SPIRE1: variants seen among roughly 807,000 people sequenced by gnomAD.
SPIRE1 encodes the protein protein spire homolog 1.
A neutral mutation model predicts 94.1 loss-of-function variants in SPIRE1; 40 were observed. That is an observed-to-expected ratio of 0.43 (90% confidence interval 0.33 to 0.55). The LOEUF (loss-of-function observed/expected upper bound fraction) is 0.55. Among genes scored for constraint, SPIRE1 ranks in the 20% least tolerant of loss-of-function variants. SPIRE1 has a pLI of 0.06. For missense variants in SPIRE1, 838 were observed against 975.2 expected, an observed-to-expected ratio of 0.86 and a Z score of 1.87; for synonymous variants, 376 against 371.7, an observed-to-expected ratio of 1.01 and a Z score of -0.13.
chr18:12,532,927 A>C (rs1280228929), intron 4 of SPIRE1, among the ~76,000 whole-genome samples: 3 of 152,246 alleles, frequency 2.0e-5, no homozygotes, highest in African/African-American at 7.2e-5. Flanking sequence ...ACTGGCAGGC[A>C]GCAGAGGAGA....
chr18:12,525,146 G>A (rs1303126488), intron 4 of SPIRE1, among the ~76,000 whole-genome samples: 5 of 151,046 alleles, frequency 3.3e-5, no homozygotes, highest in African/African-American at 7.3e-5. Flanking sequence ...GCGTGGTGGC[G>A]GGCGCCTATA....
At chr18:12,462,548 A>G (rs767053629) in intron 12 of SPIRE1, among the ~76,000 whole-genome samples, 12 of 152,182 alleles carry the variant, frequency 7.9e-5, no homozygotes, top group Admixed American at 1.3e-4. Flanking sequence ...ATGAGCACCC[A>G]CTATAAGAAC....
chr18:12,563,146 C>T (rs145689872), intron 2 of SPIRE1, among the ~76,000 whole-genome samples: 1 of 151,838 alleles, frequency 6.6e-6, no homozygotes, highest in African/African-American at 2.4e-5. Flanking sequence ...GATGCATTTT[C>T]TCCCATTCAC....
intron 4 of SPIRE1, among the ~76,000 whole-genome samples, chr18:12,526,012 AG>A (rs918270553): frequency 6.9e-6 from 1 of 145,764 alleles, no homozygotes; most frequent in African/African-American, 2.6e-5. Flanking sequence ...ATGCTAAACA[AG>A]GGATGAAAGC....
At chr18:12,625,543 G>T (rs539280384) in intron 2 of SPIRE1, among the ~76,000 whole-genome samples, 1 of 152,256 alleles carries the variant, frequency 6.6e-6, no homozygotes, top group Non-Finnish European at 1.5e-5. Context: ...AATAATAATT[G>T]CCTTGTTGTT....
intron 2 of SPIRE1, among the ~76,000 whole-genome samples, chr18:12,564,468 A>T (rs1337939672): frequency 6.6e-6 from 1 of 152,238 alleles, no homozygotes; most frequent in Non-Finnish European, 1.5e-5. Flanking sequence ...AAAGTAAAAA[A>T]CAAAAAACAG....
intron 2 of SPIRE1, among the ~76,000 whole-genome samples, chr18:12,566,790 C>A (rs988016693): frequency 5.9e-5 from 9 of 152,058 alleles, no homozygotes; most frequent in Non-Finnish European, 1.0e-4. Flanking sequence ...ATTATGTCAA[C>A]CCTCTACAAT....
At chr18:12,461,411 T>C (rs1344313852) in intron 12 of SPIRE1, among the ~76,000 whole-genome samples, 5 of 97,932 alleles carry the variant, frequency 5.1e-5, no homozygotes, top group Non-Finnish European at 1.1e-4. Flanking sequence ...CCTATACACA[T>C]GTATGTGTGT....
chr18:12,457,678 G>T (rs772206958), intron 12 of SPIRE1, among the ~76,000 whole-genome samples: 1 of 142,370 alleles, frequency 7.0e-6, no homozygotes, highest in African/African-American at 2.5e-5. Context: ...TTACTTCTAT[G>T]CATGTCACTA....
At chr18:12,494,215 T>G (rs2033350140) in intron 7 of SPIRE1, among the ~76,000 whole-genome samples, 1 of 152,188 alleles carries the variant, frequency 6.6e-6, no homozygotes, top group African/African-American at 2.4e-5. Context: ...CCAAGTGCTG[T>G]GAACACCCCG....
chr18:12,479,495 T>C (rs111267377), intron 10 of SPIRE1, among the ~76,000 whole-genome samples: 7 of 152,298 alleles, frequency 4.6e-5, no homozygotes, highest in African/African-American at 1.7e-4. Context: ...GTTCTATAAT[T>C]ATAGCCACTA....
chr18:12,480,693 C>CCACA (rs1398471522), intron 9 of SPIRE1, among the ~76,000 whole-genome samples: 1 of 152,126 alleles, frequency 6.6e-6, no homozygotes, highest in Non-Finnish European at 1.5e-5. Context: ...TGGTGTCATG[C>CCACA]CACAGCTGAT....
Position 12,452,328 on chromosome 18 carries a change from G to A in SPIRE1, c.1939C>T (p.Gln647Ter), listed in dbSNP as rs1195263339. ...GACCTCATACTACTTTCCCCTCTTT[G>A]CAGAGCAGAAGGTCCCAATGAAAAG... ...PIFSLGPSALQRGESSMRSEK... is the reference protein window; with the variant it reads ...PIFSLGPSAL Residue 647 changes from glutamine to a stop codon, truncating the protein, a stop_gained, in exon 16 of 17, where the codon CAA (glutamine) becomes TAA (stop). Transcript: ENST00000409402. LOFTEE classifies it high-confidence loss of function. 2 of 1,614,118 alleles carry A rather than the reference G, an allele frequency of 1.2e-6. No homozygotes were observed. The highest frequency in any genetic ancestry group is 1.7e-6 in the Non-Finnish European group (2 of 1,180,008).
intron 4 of SPIRE1, among the ~76,000 whole-genome samples, chr18:12,517,811 A>G (rs1276441994): frequency 1.3e-5 from 2 of 152,176 alleles, no homozygotes. Flanking sequence ...ACATATAAGT[A>G]CCCCTTTACT....
At chr18:12,478,288 GT>G (rs2032684214) in intron 10 of SPIRE1, among the ~76,000 whole-genome samples, 1 of 151,800 alleles carries the variant, frequency 6.6e-6, no homozygotes, top group Non-Finnish European at 1.5e-5. Flanking sequence ...TGTAGCTAGG[GT>G]GTGAAGCTGG....
At chr18:12,552,465 G>A (rs1056096819) in intron 2 of SPIRE1, among the ~76,000 whole-genome samples, 1 of 152,098 alleles carries the variant, frequency 6.6e-6, no homozygotes, top group East Asian at 1.9e-4. Flanking sequence ...CAGTAAGACA[G>A]AATAAGGGAG....
At chr18:12,467,905 T>C (rs768754543) in intron 10 of SPIRE1, among the ~76,000 whole-genome samples, 2 of 151,844 alleles carry the variant, frequency 1.3e-5, no homozygotes, top group African/African-American at 2.4e-5. Context: ...GCTGAGATCA[T>C]GCCACTGCAC....
intron 10 of SPIRE1, among the ~76,000 whole-genome samples, chr18:12,475,107 G>C (rs2032512464): frequency 6.6e-6 from 1 of 152,154 alleles, no homozygotes; most frequent in African/African-American, 2.4e-5. Flanking sequence ...CTGCATTTCT[G>C]CTATTGGGAA....
chr18:12,449,632 C>A lies in SPIRE1; in HGVS notation c.*6G>T. 1 of 1,612,072 alleles carries A rather than the reference C, an allele frequency of 6.2e-7. No individual in the cohort carries two copies. The highest frequency in any genetic ancestry group is 8.5e-7 in the Non-Finnish European group (1 of 1,178,490). On this transcript the variant is annotated 3_prime_UTR_variant, in exon 17 of 17. Coordinates refer to ENST00000409402, the MANE Select transcript of SPIRE1 (RefSeq NM_001128626.2). ...GTAGCACAAAAGCAGCTGAAAGGCACGAGGCTCAGATCTCACTGATCGTCC... is the reference window on the plus strand; with the variant it reads ...GTAGCACAAAAGCAGCTGAAAGGCAAGAGGCTCAGATCTCACTGATCGTCC...
Sources: allele counts gnomAD v4.1 joint callset (sites outside exome capture counted in the v4.1 genomes callset), GRCh38; gene constraint gnomAD v4.1.1; transcripts MANE v1.5; gene names NCBI Gene and HGNC (gene_info 2026-07-23, HGNC 2026-07-21).